MAP2K6: variants seen among roughly 807,000 people sequenced by gnomAD.
MAP2K6 encodes dual specificity mitogen-activated protein kinase kinase 6.
Under a neutral mutation model 53.7 loss-of-function variants are expected in MAP2K6, and 16 were observed. The ratio of observed to expected loss-of-function variants is 0.30; its 90% CI spans 0.20 to 0.45. The LOEUF is 0.45. Among genes scored for constraint, MAP2K6 ranks in the 20% least tolerant of loss-of-function variants. The probability of loss-of-function intolerance (pLI) is 1.00; values close to 1 mark genes in which losing one functional copy is unlikely to be tolerated. For missense variants in MAP2K6, 204 were observed against 411.9 expected (o/e 0.50, Z 4.37); for synonymous variants, 132 against 143.1 (o/e 0.92, Z 0.55).
At chr17:69,505,923 C>A in intron 2 of MAP2K6, 77 bp downstream of exon 2, 2 of 1,249,866 alleles carry the variant, frequency 1.6e-6, no homozygotes, top group Non-Finnish European at 2.3e-6. Flanking sequence ...TTTTGGACTG[C>A]TGAGCAATGC....
At chr17:69,515,952 C>T (rs144765056) in intron 2 of MAP2K6, among the ~76,000 whole-genome samples, 2 of 152,212 alleles carry the variant, frequency 1.3e-5, no homozygotes, top group East Asian at 3.9e-4. Context: ...TATATTGGTG[C>T]TCTTGGGTGA....
At chr17:69,480,733 C>A (rs2145191301) in intron 1 of MAP2K6, among the ~76,000 whole-genome samples, 1 of 151,508 alleles carries the variant, frequency 6.6e-6, no homozygotes, top group East Asian at 1.9e-4. Context: ...GTTGGGGAAG[C>A]AAAATCATCT....
In MAP2K6 at chr17:69,517,619, G is replaced by T; in HGVS notation, c.246+6G>T. On this transcript the variant is annotated splice_donor_region_variant and intron_variant, in intron 4 of 11. Coordinates refer to ENST00000590474, the MANE Select transcript of MAP2K6 (RefSeq NM_002758.4). ...GGCAGATCATGGCAGTGAAGGTAGA[G>T]TTGACATTCTCCCAAATGTTTTATA... is the stretch of plus-strand genomic sequence containing the variant. 4 of 1,584,360 alleles carry T rather than the reference G, an allele frequency of 2.5e-6. No homozygotes were observed. The highest frequency in any genetic ancestry group is 3.4e-6 in the Non-Finnish European group (4 of 1,163,062).
chr17:69,496,420 T>TG (rs1248127885), intron 1 of MAP2K6, among the ~76,000 whole-genome samples: 2 of 151,846 alleles, frequency 1.3e-5, no homozygotes, highest in African/African-American at 4.8e-5. Flanking sequence ...TACAAGCGTG[T>TG]GCCCCACACC....
At chr17:69,512,977 A>C (rs1014488328) in intron 2 of MAP2K6, among the ~76,000 whole-genome samples, 2 of 152,148 alleles carry the variant, frequency 1.3e-5, no homozygotes. Flanking sequence ...CCTTTGGAAG[A>C]CCTTTGGTCT....
intron 1 of MAP2K6, among the ~76,000 whole-genome samples, chr17:69,473,276 T>G (rs906163138): frequency 2.6e-5 from 4 of 151,954 alleles, no homozygotes; most frequent in Admixed American, 1.3e-4. Flanking sequence ...CTGAAAAAAG[T>G]TTACAAAAAT....
intron 1 of MAP2K6, among the ~76,000 whole-genome samples, chr17:69,475,985 G>A (rs1020341232): frequency 8.5e-5 from 13 of 152,164 alleles, no homozygotes; most frequent in Admixed American, 2.0e-4. Flanking sequence ...AAGCAATCTC[G>A]AAACCCTTTT....
At chr17:69,480,948 G>A (rs1162601588) in intron 1 of MAP2K6, among the ~76,000 whole-genome samples, 1 of 149,726 alleles carries the variant, frequency 6.7e-6, no homozygotes, top group Admixed American at 6.7e-5. Context: ...TGAAATGAGA[G>A]AATAATAGTT....
intron 1 of MAP2K6, among the ~76,000 whole-genome samples, chr17:69,482,229 T>G (rs2145192786): frequency 6.6e-6 from 1 of 152,238 alleles, no homozygotes; most frequent in South Asian, 2.1e-4. Flanking sequence ...CATGCACCAT[T>G]TCTTTTCAGT....
chr17:69,534,757 C>G (rs987862989), intron 10 of MAP2K6, among the ~76,000 whole-genome samples: 2 of 152,022 alleles, frequency 1.3e-5, no homozygotes, highest in African/African-American at 4.8e-5. Context: ...ACCTAACAAT[C>G]AGTTACATTT....
At chr17:69,442,124 T>A (rs1171616417) in intron 1 of MAP2K6, among the ~76,000 whole-genome samples, 1 of 152,222 alleles carries the variant, frequency 6.6e-6, no homozygotes, top group Non-Finnish European at 1.5e-5. Flanking sequence ...CTGTACTTAT[T>A]GAAAATCCAT....
chr17:69,470,068 G>T (rs921630082), intron 1 of MAP2K6, among the ~76,000 whole-genome samples: 1 of 152,108 alleles, frequency 6.6e-6, no homozygotes, highest in Admixed American at 6.5e-5. Context: ...AGCTGGGCAT[G>T]GTGGTGTGTG....
intron 1 of MAP2K6, among the ~76,000 whole-genome samples, chr17:69,455,256 T>G (rs1907366273): frequency 6.6e-6 from 1 of 152,122 alleles, no homozygotes; most frequent in Non-Finnish European, 1.5e-5. Context: ...ACAATAGGGA[T>G]TTATTACACC....
At chr17:69,464,761 G>GC (rs1483655168) in intron 1 of MAP2K6, among the ~76,000 whole-genome samples, 1 of 152,112 alleles carries the variant, frequency 6.6e-6, no homozygotes, top group Non-Finnish European at 1.5e-5. Context: ...TGTTGCCCCA[G>GC]CTGGAGTGCA....
rs963740538 is a variant in MAP2K6 at position 69,430,629 on chromosome 17, A to G, written c.16+15629A>G. 4.6e-5 allele frequency among the ~76,000 whole-genome samples: 7 copies of G among 152,346 alleles called. No homozygotes were observed. In the East Asian group the frequency reaches 1.4e-3, roughly 29 times the overall value. On this transcript the variant is annotated intron_variant, in intron 1 of 11. Transcript: ENST00000590474. ...AGAAACTAGTTTGGGGCTTGTTTCA[A>G]ACAAGCCCGGACTTATCTTCCATGC...
At chr17:69,538,329 C>A (rs1278971441) in intron 11 of MAP2K6, among the ~76,000 whole-genome samples, 2 of 152,210 alleles carry the variant, frequency 1.3e-5, no homozygotes, top group African/African-American at 4.8e-5. Flanking sequence ...ATGTCAAATT[C>A]TACATTTGTA....
rs3222089 is a variant in MAP2K6, at chr17:69,498,650, C to CCACACACACACACACACACA, written c.17-7114_17-7095dup. On this transcript the variant is annotated intron_variant, in intron 1 of 11. Transcript: ENST00000590474. ...GAAGCCACACACACACACCTGGAAG[C>CCACACACACACACACACACA]CACACACACACACACACACACACAC... Among the ~76,000 whole-genome samples the CCACACACACACACACACACA allele has an allele frequency of 1.6e-3, 232 of 145,522 alleles. 1 individual carries two copies. The highest frequency in any genetic ancestry group is 2.5e-3 in the Non-Finnish European group (168 of 66,346).
chr17:69,522,200 T>C (rs760965251), intron 7 of MAP2K6, among the ~76,000 whole-genome samples: 1 of 152,140 alleles, frequency 6.6e-6, no homozygotes, highest in Non-Finnish European at 1.5e-5. Flanking sequence ...CTGGAAATAA[T>C]GTAAAATGCC....
At chr17:69,522,280 GAAGAA>G (rs1164207828) in intron 7 of MAP2K6, among the ~76,000 whole-genome samples, 6 of 152,066 alleles carry the variant, frequency 3.9e-5, no homozygotes, top group African/African-American at 1.4e-4. Context: ...AGGAAGATGA[GAAGAA>G]AATAGGAAGG....
Sources: allele counts gnomAD v4.1 joint callset (sites outside exome capture counted in the v4.1 genomes callset), GRCh38; gene constraint gnomAD v4.1.1; transcripts MANE v1.5; gene names NCBI Gene and HGNC (gene_info 2026-07-23, HGNC 2026-07-21).